The following TMPRSS11F variants were observed in gnomAD, a reference collection of about 807,000 sequenced individuals.
TMPRSS11F encodes the protein transmembrane serine protease 11F.
TMPRSS11F carries 47 observed loss-of-function variants against 60.2 expected under a neutral mutation model. The observed-to-expected ratio is 0.78, with a 90% confidence interval of 0.62 to 1.00. TMPRSS11F has a LOEUF of 1.00. Ranked by LOEUF, TMPRSS11F falls within the 50% of genes least tolerant of loss-of-function variation. TMPRSS11F has a pLI of 0.00. For synonymous variants in TMPRSS11F, 166 were observed against 167.3 expected, an observed-to-expected ratio of 0.99 and a Z score of 0.06; for missense variants, 519 against 522.9, an observed-to-expected ratio of 0.99 and a Z score of 0.07.
intron 9 of TMPRSS11F, among the ~76,000 whole-genome samples, chr4:68,054,834 T>C (rs187556799): frequency 5.3e-5 from 8 of 152,294 alleles, no homozygotes; most frequent in African/African-American, 1.9e-4. Context: ...CCTGTGCTCA[T>C]AGAGTTTGAA....
At chr4:68,060,473 G>GC (rs1339937179) in intron 8 of TMPRSS11F, among the ~76,000 whole-genome samples, 3 of 111,028 alleles carry the variant, frequency 2.7e-5, no homozygotes, top group Non-Finnish European at 5.0e-5. Flanking sequence ...CCAAGATGGC[G>GC]CCACTGCACT....
At chr4:68,078,771 C>G (rs1020109987) in intron 3 of TMPRSS11F, among the ~76,000 whole-genome samples, 1 of 152,090 alleles carries the variant, frequency 6.6e-6, no homozygotes, top group Non-Finnish European at 1.5e-5. Flanking sequence ...TGGGTCATTC[C>G]TCAGGTTTGG....
At chr4:68,123,893 A>C (rs1247037417) in intron 1 of TMPRSS11F, among the ~76,000 whole-genome samples, 1 of 152,194 alleles carries the variant, frequency 6.6e-6, no homozygotes, top group Non-Finnish European at 1.5e-5. Flanking sequence ...AGATAGGAGC[A>C]TCACAAATAA....
At chr4:68,069,623 T>TAA (rs112167133) in intron 6 of TMPRSS11F, among the ~76,000 whole-genome samples, 1 of 151,114 alleles carries the variant, frequency 6.6e-6, no homozygotes, top group South Asian at 2.1e-4. Context: ...GCAAGCAAAT[T>TAA]AAAAAAAAAT....
intron 1 of TMPRSS11F, among the ~76,000 whole-genome samples, chr4:68,100,654 C>T (rs1724174074): frequency 1.3e-5 from 2 of 152,080 alleles, no homozygotes; most frequent in African/African-American, 4.8e-5. Context: ...CCAATAAAGA[C>T]ATCAATATAG....
chr4:68,060,657 C>G (rs1178543544), intron 8 of TMPRSS11F, among the ~76,000 whole-genome samples: 1 of 147,696 alleles, frequency 6.8e-6, no homozygotes, highest in African/African-American at 2.5e-5. Context: ...CTGGAGAAAG[C>G]TCATTGATGT....
chr4:68,053,806 A>G lies in TMPRSS11F; in HGVS notation c.*103T>C, dbSNP rs556773866. On this transcript the variant is annotated 3_prime_UTR_variant, in exon 10 of 10. Transcript: ENST00000356291. ...GTCTGGGTCTGAAGGGCTTCTTGAC[A>G]TCTAGCAAAAGCACTAATCCAAAGT... 36 of 1,232,276 alleles carry G rather than the reference A, an allele frequency of 2.9e-5. No homozygotes were observed. The African/African-American group carries it at 4.6e-4, about 16-fold the overall frequency. The allele number at this position is 1,232,276 out of a possible 1,614,324, so 76.3% of individuals were successfully genotyped here. A position where few individuals can be genotyped will look rare whatever the true frequency, so the allele number is the denominator to read the frequency against.
chr4:68,117,377 G>A (rs1297492048), intron 1 of TMPRSS11F, among the ~76,000 whole-genome samples: 2 of 146,618 alleles, frequency 1.4e-5, no homozygotes, highest in African/African-American at 2.5e-5. Flanking sequence ...TGAGGCAGGA[G>A]AATGGAGTGA....
chr4:68,091,079 C>A (rs1305591466), intron 2 of TMPRSS11F, among the ~76,000 whole-genome samples: 1 of 152,072 alleles, frequency 6.6e-6, no homozygotes, highest in East Asian at 1.9e-4. Flanking sequence ...AAGTAGAAGT[C>A]CATATTTATT....
At chr4:68,089,071 G>A (rs1006588284) in intron 3 of TMPRSS11F, among the ~76,000 whole-genome samples, 3 of 151,580 alleles carry the variant, frequency 2.0e-5, no homozygotes, top group South Asian at 2.1e-4. Context: ...AAACTTACAC[G>A]GAACCAAAAA....
chr4:68,105,255 A>G (rs1040209921), intron 1 of TMPRSS11F, among the ~76,000 whole-genome samples: 16 of 152,000 alleles, frequency 1.1e-4, no homozygotes, highest in Admixed American at 8.5e-4. Context: ...TGAAGGTGGA[A>G]ATGTTTGTTT....
chr4:68,097,719 G>A (rs569872792), intron 2 of TMPRSS11F, among the ~76,000 whole-genome samples: 59 of 148,296 alleles, frequency 4.0e-4, no homozygotes, highest in Non-Finnish European at 6.4e-4. Context: ...TTTTTTTTTC[G>A]TTTTTAAGCA....
At chr4:68,060,314 T>A (rs1577908983) in intron 8 of TMPRSS11F, among the ~76,000 whole-genome samples, 1 of 148,528 alleles carries the variant, frequency 6.7e-6, no homozygotes, top group East Asian at 2.0e-4. Context: ...GAGACCATCC[T>A]GACTAACACG....
chr4:68,097,519 A>T (rs974474275), intron 2 of TMPRSS11F, among the ~76,000 whole-genome samples: 1 of 152,130 alleles, frequency 6.6e-6, no homozygotes, highest in Non-Finnish European at 1.5e-5. Context: ...ATAAAGTCCC[A>T]TCTCAAAATT....
At chr4:68,125,288 A>T (rs2109892590) in intron 1 of TMPRSS11F, among the ~76,000 whole-genome samples, 1 of 152,094 alleles carries the variant, frequency 6.6e-6, no homozygotes, top group African/African-American at 2.4e-5. Context: ...TAAATTGTTG[A>T]ATTCTTCAAA....
intron 8 of TMPRSS11F, among the ~76,000 whole-genome samples, chr4:68,064,121 C>CTT (rs768474326): frequency 7.2e-6 from 1 of 138,056 alleles, no homozygotes; most frequent in African/African-American, 2.6e-5. Flanking sequence ...CTCTCCCTGA[C>CTT]TTTTTTTTTT....
At chr4:68,077,427 TTGA>T (rs1229309193) in intron 3 of TMPRSS11F, 2 of 152,162 alleles carry the variant, frequency 1.3e-5, no homozygotes, top group African/African-American at 4.8e-5. Flanking sequence ...TTAAGGCAAG[TTGA>T]TGCCCTGACT....
rs73825372 is a variant in TMPRSS11F at position 68,082,408 on chromosome 4, C to G, written c.282+8115G>C. ...GGAACCCATCCTCCAAGGCTCTCCC[C>G]CTTCCTCCAAATAGCTCTGACCTCT... On this transcript the variant is annotated intron_variant, in intron 3 of 9. Transcript: ENST00000356291. 9.1e-3 allele frequency among the ~76,000 whole-genome samples: 1,384 copies of G among 152,314 alleles called. 27 individuals are homozygous for G. The highest frequency in any genetic ancestry group is 0.032 in the African/African-American group (1,313 of 41,578).
chr4:68,106,012 A>G (rs1451276572), intron 1 of TMPRSS11F, among the ~76,000 whole-genome samples: 1 of 152,230 alleles, frequency 6.6e-6, no homozygotes, highest in African/African-American at 2.4e-5. Context: ...TGCTTTATCC[A>G]TTAATAATTC....
Sources: gnomAD v4.1 joint callset for allele counts (sites outside exome capture counted in the v4.1 genomes callset) on GRCh38, gnomAD v4.1.1 for gene constraint, MANE v1.5 for transcripts, NCBI Gene and HGNC (gene_info 2026-07-23, HGNC 2026-07-21) for gene names.